Variants in WDR27 observed in about 807,000 individuals in gnomAD.
WDR27 encodes the protein WD repeat-containing protein 27.
A neutral mutation model predicts 114.4 loss-of-function variants in WDR27; 100 were observed. The observed-to-expected ratio is 0.87, with a 90% CI of 0.74 to 1.03. The LOEUF (loss-of-function observed/expected upper bound fraction) is 1.03, where lower values mean the gene tolerates loss of function less well. Ranked by LOEUF, WDR27 falls within the 50% of genes least tolerant of loss-of-function variation. The pLI is 0.00. For missense variants in WDR27, 1,129 were observed against 1,092.9 expected, an observed-to-expected ratio of 1.03 and a Z score of -0.47; for synonymous variants, 449 against 423.1, an observed-to-expected ratio of 1.06 and a Z score of -0.75.
At chr6:169,697,085 G>A (rs966273046) in intron 1 of WDR27, among the ~76,000 whole-genome samples, 4 of 152,100 alleles carry the variant, frequency 2.6e-5, no homozygotes, top group East Asian at 1.9e-4. Context: ...AAATCAGAAC[G>A]GTTATACCAG....
chr6:169,672,982 G>A (rs1177162757), intron 2 of WDR27, among the ~76,000 whole-genome samples: 4 of 152,176 alleles, frequency 2.6e-5, no homozygotes, highest in Admixed American at 6.5e-5. Context: ...TGGAGCAGAC[G>A]AGTGTTGGGG....
rs375365155 is a variant in WDR27, at chr6:169,668,078, G to A, written c.564C>T (p.Ala188=). 6.9e-5 allele frequency: 111 copies of A among 1,613,904 alleles called. No individual in the cohort carries two copies. Among genetic ancestry groups the A allele is most frequent in the African/African-American group, 1.3e-4 (10 of 74,944 alleles). Residue 188 remains alanine (A), a synonymous_variant, in exon 5 of 26, where the codon GCC becomes GCT. Transcript: ENST00000448612. ...HTFSQTQAVR[A]ELQGHLGPVT... ...CCGGGCCCAGGTGGCCCTGCAGCTC[G>A]GCCCGAACAGCCTGAGTCTGAGAGA...
In WDR27 at chr6:169,681,134, A is replaced by G. The variant is rs550147429; in HGVS notation, c.189+7683T>C. Among the ~76,000 whole-genome samples the G allele has an allele frequency of 8.6e-4, 131 of 152,346 alleles. 1 individual carries two copies. Among genetic ancestry groups the G allele is most frequent in the African/African-American group, 2.9e-3 (120 of 41,580 alleles). On this transcript the variant is annotated intron_variant, in intron 2 of 25. Transcript: ENST00000448612. Reference sequence around the variant, plus strand: ...AATAGTCAAAAACTAAAAATAACCTAAATTCCCACCAATAGGAGAATGCAT... The same window carrying G: ...AATAGTCAAAAACTAAAAATAACCTGAATTCCCACCAATAGGAGAATGCAT...
chr6:169,658,626 G>A (rs1015490087), intron 12 of WDR27, among the ~76,000 whole-genome samples: 6 of 151,548 alleles, frequency 4.0e-5, no homozygotes, highest in Non-Finnish European at 8.8e-5. Context: ...TTTTCAACAA[G>A]ATAGAAGCAA....
intron 25 of WDR27, among the ~76,000 whole-genome samples, chr6:169,522,518 C>A (rs1471504241): frequency 1.3e-5 from 2 of 152,016 alleles, no homozygotes; most frequent in Non-Finnish European, 2.9e-5. Context: ...AGAATACATA[C>A]TCCTTTCATC....
At chr6:169,429,676 C>A in the WDR27 span, among the ~76,000 whole-genome samples, 1 of 152,160 alleles carries the variant, frequency 6.6e-6, no homozygotes, top group African/African-American at 2.4e-5. Context: ...CACATGGGAG[C>A]AGGCATTTCA....
the WDR27 span, among the ~76,000 whole-genome samples, chr6:169,429,484 T>C: frequency 6.6e-6 from 1 of 152,158 alleles, no homozygotes; most frequent in Non-Finnish European, 1.5e-5. Flanking sequence ...GAAAGACTTT[T>C]AAAATTTTAT....
chr6:169,689,737 C>A (rs768134212), intron 1 of WDR27, among the ~76,000 whole-genome samples: 50 of 152,268 alleles, frequency 3.3e-4, no homozygotes, highest in Non-Finnish European at 6.2e-4. Context: ...GTACCCCACA[C>A]CCCACTGCAG....
chr6:169,606,484 C>A (rs1332837874), intron 22 of WDR27, among the ~76,000 whole-genome samples: 2 of 152,132 alleles, frequency 1.3e-5, no homozygotes, highest in Non-Finnish European at 2.9e-5. Context: ...CGCTGACAGG[C>A]CCCAGTGTGT....
intron 22 of WDR27, among the ~76,000 whole-genome samples, chr6:169,610,494 T>C (rs576841856): frequency 3.3e-5 from 5 of 152,166 alleles, no homozygotes; most frequent in African/African-American, 1.2e-4. Flanking sequence ...GACAAAACCA[T>C]CAGATCTCAT....
intron 24 of WDR27, among the ~76,000 whole-genome samples, chr6:169,575,472 T>G (rs1802175952): frequency 6.6e-6 from 1 of 152,138 alleles, no homozygotes; most frequent in Non-Finnish European, 1.5e-5. Context: ...CGTGTTTCTG[T>G]AACATGTGTT....
chr6:169,668,412 T>C (rs931063562), intron 4 of WDR27, among the ~76,000 whole-genome samples: 8 of 152,170 alleles, frequency 5.3e-5, no homozygotes, highest in African/African-American at 1.9e-4. Flanking sequence ...GCATCTGCCC[T>C]GAGGCTCCCC....
intron 23 of WDR27, among the ~76,000 whole-genome samples, chr6:169,588,950 G>C (rs1346842798): frequency 1.3e-5 from 2 of 152,198 alleles, no homozygotes; most frequent in Non-Finnish European, 1.5e-5. Flanking sequence ...TCAGTGCTGA[G>C]ATTCCAAACT....
chr6:169,624,037 G>A (rs1331344706), intron 21 of WDR27, among the ~76,000 whole-genome samples: 1 of 152,192 alleles, frequency 6.6e-6, no homozygotes, highest in Non-Finnish European at 1.5e-5. Flanking sequence ...GACACCACAT[G>A]CCGCGTGTGG....
At chr6:169,525,543 AAAAAAAG>A (rs1562532453) in intron 25 of WDR27, among the ~76,000 whole-genome samples, 2 of 151,066 alleles carry the variant, frequency 1.3e-5, no homozygotes, top group Non-Finnish European at 3.0e-5. Context: ...CTCAAAAAAA[AAAAAAAG>A]AAAAAAGAAA....
At chr6:169,521,262 AT>A (rs1168679077) in intron 25 of WDR27, among the ~76,000 whole-genome samples, 1 of 152,136 alleles carries the variant, frequency 6.6e-6, no homozygotes, top group African/African-American at 2.4e-5. Context: ...GAAAAAAAAA[AT>A]AACTTATATC....
chr6:169,543,197 T>C (rs1011786311), intron 25 of WDR27, among the ~76,000 whole-genome samples: 1 of 151,998 alleles, frequency 6.6e-6, no homozygotes, highest in Non-Finnish European at 1.5e-5. Flanking sequence ...TCAAATAATA[T>C]CAAAAACTTT....
chr6:169,665,670 G>T, intron 6 of WDR27, 114 bp from the exon 7 acceptor site: 1 of 997,998 alleles, frequency 1.0e-6, no homozygotes, highest in Non-Finnish European at 1.4e-6. Context: ...CAGTATTTCT[G>T]TTAGTCAAGT....
the WDR27 span, among the ~76,000 whole-genome samples, chr6:169,429,849 G>A: frequency 6.6e-6 from 1 of 152,176 alleles, no homozygotes; most frequent in Non-Finnish European, 1.5e-5. Flanking sequence ...AGGTGCCCTG[G>A]CCTACGAGCT....
Sources: gnomAD v4.1 joint callset for allele counts (sites outside exome capture counted in the v4.1 genomes callset) on GRCh38, gnomAD v4.1.1 for gene constraint, MANE v1.5 for transcripts, NCBI Gene and HGNC (gene_info 2026-07-23, HGNC 2026-07-21) for gene names.